PUDP: variants seen among roughly 807,000 people sequenced by gnomAD.
The protein encoded by PUDP is pseudouridine 5'-phosphatase.
Under a neutral mutation model 9.4 loss-of-function variants are expected in PUDP, and 8 were observed. The ratio of observed to expected loss-of-function variants is 0.85; its 90% CI spans 0.50 to 1.53. The LOEUF (loss-of-function observed/expected upper bound fraction) is 1.53. PUDP is among the 40% of genes most tolerant of loss of function. The pLI is 0.00. For missense variants in PUDP, 188 were observed against 189.7 expected (o/e 0.99, Z 0.05); for synonymous variants, 99 against 80.7 (o/e 1.23, Z -1.22).
At chrX:6,816,810 A>G (rs1262502431) in intron 3 of PUDP, among the ~76,000 whole-genome samples, 1 of 95,662 alleles carries the variant, frequency 1.0e-5, no homozygotes, top group Non-Finnish European at 2.0e-5. Flanking sequence ...TACAATATAT[A>G]TACACATACA....
intron 2 of PUDP, among the ~76,000 whole-genome samples, chrX:7,079,025 T>C (rs772143872): frequency 2.7e-5 from 3 of 111,954 alleles, no homozygotes; most frequent in Non-Finnish European, 5.6e-5. Context: ...ACACCTAAGA[T>C]AGACACTATC....
intron 1 of PUDP, among the ~76,000 whole-genome samples, chrX:7,139,735 T>C (rs1371663497): frequency 8.9e-6 from 1 of 112,038 alleles, no homozygotes; most frequent in African/African-American, 3.2e-5. Context: ...TCTGCAGTGT[T>C]TTTTAAATAA....
chrX:6,761,239 A>G (rs917245178), intron 3 of PUDP, among the ~76,000 whole-genome samples: 6 of 111,265 alleles, frequency 5.4e-5, no homozygotes, highest in African/African-American at 2.0e-4. Flanking sequence ...TTCCTTCATA[A>G]TCTCTCCCCA....
Position 7,148,082 on chromosome X carries a change from A to T in PUDP, c.32T>A (p.Leu11His). 8.9e-7 allele frequency: 1 copy of T among 1,125,018 alleles called. No individual in the cohort carries two copies. The highest frequency in any genetic ancestry group is 1.2e-6 in the Non-Finnish European group (1 of 849,644). 92.7% of individuals were successfully genotyped at this position (1,125,018 alleles called of 1,213,427 possible). Residue 11 changes from leucine to histidine, a missense_variant, in exon 1 of 4, where the codon CTC becomes CAC. Transcript: ENST00000381077. MAAPPQPVTHLIFDMDGLLLD... is the reference protein window; with the variant it reads MAAPPQPVTHHIFDMDGLLLD... Reference sequence around the variant, plus strand: ...AAGAAGTCCGTCCATGTCAAAGATGAGGTGGGTGACGGGCTGCGGGGGCGC... The same window carrying T: ...AAGAAGTCCGTCCATGTCAAAGATGTGGTGGGTGACGGGCTGCGGGGGCGC...
chrX:6,863,977 T>C (rs1927041850), intron 3 of PUDP, among the ~76,000 whole-genome samples: 1 of 111,502 alleles, frequency 9.0e-6, no homozygotes, highest in South Asian at 3.8e-4. Context: ...TCCATCTTAG[T>C]TGATAGAGTG....
At chrX:6,986,729 C>T (rs1002363837) in intron 1 of PUDP, among the ~76,000 whole-genome samples, 6 of 111,746 alleles carry the variant, frequency 5.4e-5, no homozygotes, top group Non-Finnish European at 1.1e-4. Context: ...GCTCTCTCCC[C>T]GGCTTCCAGG....
intron 3 of PUDP, among the ~76,000 whole-genome samples, chrX:6,781,212 C>T (rs984964830): frequency 9.0e-6 from 1 of 111,610 alleles, no homozygotes; most frequent in Non-Finnish European, 1.9e-5. Context: ...AATCACATAT[C>T]ACACCATGGC....
At chrX:6,963,337 T>G (rs1223911777) in intron 3 of PUDP, among the ~76,000 whole-genome samples, 2 of 111,031 alleles carry the variant, frequency 1.8e-5, no homozygotes, top group African/African-American at 6.6e-5. Flanking sequence ...TGAGGAGCAT[T>G]TATTACCTCC....
intron 3 of PUDP, among the ~76,000 whole-genome samples, chrX:6,809,481 C>T (rs1345265063): frequency 2.8e-5 from 3 of 108,532 alleles, no homozygotes; most frequent in African/African-American, 1.0e-4. Flanking sequence ...TTTTTTGTAG[C>T]AATAGGGTCT....
At chrX:6,775,319 T>TACCA (rs773001695) in intron 3 of PUDP, among the ~76,000 whole-genome samples, 1 of 112,175 alleles carries the variant, frequency 8.9e-6, no homozygotes, top group African/African-American at 3.2e-5. Context: ...TGTATAGATA[T>TACCA]ACCACATTTG....
intron 1 of PUDP, among the ~76,000 whole-genome samples, chrX:7,127,998 C>T (rs1932525541): frequency 8.9e-6 from 1 of 111,821 alleles, no homozygotes; most frequent in Non-Finnish European, 1.9e-5. Flanking sequence ...AAGGTTGAGA[C>T]TCAAACACTG....
At chrX:6,953,508 CA>C (rs1218610688) in intron 3 of PUDP, among the ~76,000 whole-genome samples, 1 of 109,373 alleles carries the variant, frequency 9.1e-6, no homozygotes, top group African/African-American at 3.3e-5. Flanking sequence ...ATGAAGAAAC[CA>C]ATTTCCTGAG....
chrX:7,113,942 G>A (rs886807757), intron 1 of PUDP, among the ~76,000 whole-genome samples: 3 of 111,526 alleles, frequency 2.7e-5, no homozygotes, highest in African/African-American at 6.5e-5. Flanking sequence ...GTCCAACGTC[G>A]AGGGGACACA....
chrX:7,012,172 T>A (rs1929485968), intron 1 of PUDP, among the ~76,000 whole-genome samples: 1 of 112,139 alleles, frequency 8.9e-6, no homozygotes, highest in Admixed American at 9.4e-5. Context: ...TTAAACCTTT[T>A]ATCTTGGTTT....
At position 6,766,371 on chromosome X, in the gene PUDP, G is replaced by C. The variant is rs182446740; in HGVS notation, c.*248-59905C>G. ...ATCTGGGATACTCTAAACCATATTT[G>C]AGGGTTGAACCAAAAATTAGAACAT... On this transcript the variant is annotated intron_variant and NMD_transcript_variant, in intron 3 of 3. Transcript: ENST00000655425. Among the ~76,000 whole-genome samples the C allele has an allele frequency of 2.7e-3, 303 of 111,904 alleles. 1 individual carries two copies. The highest frequency in any genetic ancestry group is 9.6e-3 in the African/African-American group (297 of 30,841).
chrX:7,001,740 G>C (rs1929327488), intron 1 of PUDP, among the ~76,000 whole-genome samples: 1 of 111,277 alleles, frequency 9.0e-6, no homozygotes, highest in South Asian at 3.7e-4. Context: ...AATGGTACTA[G>C]GACAAGGGGT....
chrX:6,905,771 T>A (rs1237628711), intron 3 of PUDP, among the ~76,000 whole-genome samples: 1 of 111,870 alleles, frequency 8.9e-6, no homozygotes, highest in Non-Finnish European at 1.9e-5. Flanking sequence ...GAGTAAGTAT[T>A]ATTTTCATGA....
Position 6,734,052 on chromosome X carries a change from A to G in PUDP, c.*248-27586T>C, listed in dbSNP as rs149396490. 7.0e-4 allele frequency among the ~76,000 whole-genome samples: 78 copies of G among 111,030 alleles called. No individual in the cohort carries two copies. In the East Asian group the frequency reaches 0.022, roughly 31 times the overall value. ...CTTGGCCTCCCAAAGTGTTGGGATT[A>G]CAGGCATGAGCCACCACGCCTGGCC... On this transcript the variant is annotated intron_variant and NMD_transcript_variant, in intron 3 of 3. Transcript: ENST00000655425.
chrX:7,123,677 T>C (rs1416448513), intron 1 of PUDP, among the ~76,000 whole-genome samples: 1 of 111,457 alleles, frequency 9.0e-6, no homozygotes, highest in Non-Finnish European at 1.9e-5. Context: ...GCATTGAAAG[T>C]AAAATGATGG....
Sources: allele counts gnomAD v4.1 joint callset (sites outside exome capture counted in the v4.1 genomes callset), GRCh38; gene constraint gnomAD v4.1.1; transcripts MANE v1.5; gene names NCBI Gene and HGNC (gene_info 2026-07-23, HGNC 2026-07-21).